Variants in MGMT observed in about 807,000 individuals in gnomAD.
The protein encoded by MGMT is O-6-methylguanine-DNA methyltransferase.
A neutral mutation model predicts 15.9 loss-of-function variants in MGMT; 14 were observed. That is an observed-to-expected ratio of 0.88 (90% CI 0.58 to 1.37). MGMT has a LOEUF of 1.37. Among genes scored for constraint, MGMT ranks in the 40% most tolerant of loss-of-function variants. The pLI, the probability that MGMT is intolerant of heterozygous loss-of-function variation, is 0.00. For missense variants in MGMT, 282 were observed against 268.1 expected (o/e 1.05, Z -0.36); for synonymous variants, 130 against 118.2 (o/e 1.10, Z -0.65).
chr10:129,582,627 G>A (rs1317669617), intron 2 of MGMT, among the ~76,000 whole-genome samples: 1 of 151,836 alleles, frequency 6.6e-6, no homozygotes, highest in Non-Finnish European at 1.5e-5. Flanking sequence ...ATGAGATATA[G>A]AATTTTAGTG....
At chr10:129,604,721 C>G (rs947816730) in intron 2 of MGMT, among the ~76,000 whole-genome samples, 16 of 133,602 alleles carry the variant, frequency 1.2e-4, no homozygotes, top group African/African-American at 4.2e-4. Flanking sequence ...CCACCTGCAC[C>G]CCACCTCGCC....
chr10:129,729,979 G>T (rs999149847), intron 3 of MGMT, among the ~76,000 whole-genome samples: 2 of 152,262 alleles, frequency 1.3e-5, no homozygotes, highest in East Asian at 3.9e-4. Flanking sequence ...CGTGGACAGT[G>T]GGGTGGATGG....
intron 2 of MGMT, among the ~76,000 whole-genome samples, chr10:129,660,005 G>A (rs1847577731): frequency 6.6e-6 from 1 of 152,128 alleles, no homozygotes; most frequent in Admixed American, 6.5e-5. Flanking sequence ...GTGGTCTTTG[G>A]TGCTTTTCTT....
intron 2 of MGMT, among the ~76,000 whole-genome samples, chr10:129,541,837 A>C (rs1167558239): frequency 6.6e-6 from 1 of 152,160 alleles, no homozygotes; most frequent in Non-Finnish European, 1.5e-5. Flanking sequence ...TCTTCATGGT[A>C]GGGATCCATT....
chr10:129,584,561 G>A (rs471390), intron 2 of MGMT, among the ~76,000 whole-genome samples: 61,344 of 151,726 alleles, frequency 0.4, 13,108 homozygotes, highest in East Asian at 0.64. Context: ...CATCATCACA[G>A]TGTAATTTTA....
intron 2 of MGMT, among the ~76,000 whole-genome samples, chr10:129,667,859 A>G (rs923181581): frequency 2.0e-5 from 3 of 152,144 alleles, no homozygotes; most frequent in Admixed American, 6.5e-5. Flanking sequence ...ATGTGGTTGA[A>G]TATGTTTTTG....
At chr10:129,627,136 G>T (rs1847158894) in intron 2 of MGMT, among the ~76,000 whole-genome samples, 1 of 152,224 alleles carries the variant, frequency 6.6e-6, no homozygotes, top group African/African-American at 2.4e-5. Context: ...GTAATTAGAA[G>T]CTCAACTTGA....
chr10:129,578,656 C>T (rs566876112), intron 2 of MGMT, among the ~76,000 whole-genome samples: 33 of 152,280 alleles, frequency 2.2e-4, no homozygotes, highest in African/African-American at 7.7e-4. Flanking sequence ...ACGTTGTGCA[C>T]ATGTACCCTA....
chr10:129,760,220 C>A (rs1462868618), intron 4 of MGMT, among the ~76,000 whole-genome samples: 1 of 152,256 alleles, frequency 6.6e-6, no homozygotes, highest in Non-Finnish European at 1.5e-5. Flanking sequence ...CACAGCATGC[C>A]ATGTGCGCCC....
At chr10:129,489,389 G>T (rs1405882012) in intron 1 of MGMT, among the ~76,000 whole-genome samples, 3 of 139,654 alleles carry the variant, frequency 2.1e-5, no homozygotes, top group African/African-American at 2.8e-5. Context: ...AAAAAAAATT[G>T]GTGAGTAAAT....
intron 3 of MGMT, among the ~76,000 whole-genome samples, chr10:129,723,903 C>T (rs1045228253): frequency 3.3e-5 from 5 of 152,196 alleles, no homozygotes; most frequent in African/African-American, 9.7e-5. Context: ...GCCGCAGCCT[C>T]GCCTCTCGTA....
At chr10:129,601,310 T>C (rs912406048) in intron 2 of MGMT, among the ~76,000 whole-genome samples, 1 of 152,224 alleles carries the variant, frequency 6.6e-6, no homozygotes, top group Non-Finnish European at 1.5e-5. Flanking sequence ...GGCTTGTGTG[T>C]GCACTGGGAA....
intron 2 of MGMT, among the ~76,000 whole-genome samples, chr10:129,562,056 C>T (rs1022939920): frequency 6.6e-6 from 1 of 152,136 alleles, no homozygotes; most frequent in African/African-American, 2.4e-5. Context: ...AATGTGTGAA[C>T]AGCGCCAGGC....
intron 3 of MGMT, among the ~76,000 whole-genome samples, chr10:129,745,975 G>T (rs962960346): frequency 1.3e-5 from 2 of 152,060 alleles, no homozygotes; most frequent in African/African-American, 2.4e-5. Context: ...GGAAGCTCAT[G>T]CCTGTAATCC....
At chr10:129,487,166 A>G (rs1434415378) in intron 1 of MGMT, among the ~76,000 whole-genome samples, 1 of 152,118 alleles carries the variant, frequency 6.6e-6, no homozygotes, top group Non-Finnish European at 1.5e-5. Context: ...GGTGCCCTGC[A>G]TAAGTGTATG....
At chr10:129,557,586 G>A (rs1012287971) in intron 2 of MGMT, among the ~76,000 whole-genome samples, 1 of 152,106 alleles carries the variant, frequency 6.6e-6, no homozygotes, top group Non-Finnish European at 1.5e-5. Context: ...GGTAATTATT[G>A]TTTCAAATTA....
intron 3 of MGMT, among the ~76,000 whole-genome samples, chr10:129,755,842 A>G (rs1848799725): frequency 6.6e-6 from 1 of 152,124 alleles, no homozygotes; most frequent in Admixed American, 6.5e-5. Flanking sequence ...CAGGATAAGG[A>G]AGTGATGAGT....
intron 1 of MGMT, among the ~76,000 whole-genome samples, chr10:129,495,733 T>C (rs1845513969): frequency 6.6e-6 from 1 of 152,244 alleles, no homozygotes. Flanking sequence ...CCTAGGCTTA[T>C]CTCTTTCCAC....
chr10:129,546,878 C>G (rs1846103831), intron 2 of MGMT, among the ~76,000 whole-genome samples: 2 of 152,204 alleles, frequency 1.3e-5, no homozygotes, highest in Non-Finnish European at 2.9e-5. Context: ...TATGCCTGAA[C>G]TGGAAATGGT....
Sources: gnomAD v4.1 joint callset for allele counts (sites outside exome capture counted in the v4.1 genomes callset) on GRCh38, gnomAD v4.1.1 for gene constraint, MANE v1.5 for transcripts, NCBI Gene and HGNC (gene_info 2026-07-23, HGNC 2026-07-21) for gene names.